ATG4C: variants seen among roughly 807,000 people sequenced by gnomAD.
The protein encoded by ATG4C is cysteine protease ATG4C.
A neutral mutation model predicts 57.6 loss-of-function variants in ATG4C; 56 were observed. The observed-to-expected ratio is 0.97, with a 90% CI of 0.78 to 1.21. ATG4C has a LOEUF of 1.21. Ranked by LOEUF, ATG4C falls within the 50% of genes most tolerant of loss-of-function variation. The pLI is 0.00. For synonymous variants in ATG4C, 157 were observed against 174.1 expected, an observed-to-expected ratio of 0.90 and a Z score of 0.78; for missense variants, 595 against 529.8, an observed-to-expected ratio of 1.12 and a Z score of -1.21.
rs1371298027 is a variant in ATG4C at position 62,809,430 on chromosome 1, T to G, written c.160+4175T>G. On this transcript the variant is annotated intron_variant, in intron 3 of 10. Coordinates refer to ENST00000317868, the MANE Select transcript of ATG4C (RefSeq NM_032852.4). ...ATATGTGTATATAAACACACATATA[T>G]TTAAAAATACATATGTATATGTACA... is the stretch of plus-strand genomic sequence containing the variant. Among the ~76,000 whole-genome samples the G allele has an allele frequency of 6.8e-5, 10 of 147,766 alleles. No homozygotes were observed. In the East Asian group the frequency reaches 2.0e-3, roughly 29 times the overall value.
chr1:62,846,248 C>A (rs1666323482), intron 10 of ATG4C, among the ~76,000 whole-genome samples: 1 of 152,136 alleles, frequency 6.6e-6, no homozygotes, highest in African/African-American at 2.4e-5. Flanking sequence ...ATCCACTTCA[C>A]CCTCCTACAC....
intron 3 of ATG4C, among the ~76,000 whole-genome samples, chr1:62,806,399 G>A (rs770747525): frequency 6.6e-6 from 1 of 151,882 alleles, no homozygotes; most frequent in South Asian, 2.1e-4. Context: ...ACAGCAATAC[G>A]TATGGTTGAG....
chr1:62,858,213 TAA>T (rs1042487161), intron 10 of ATG4C, among the ~76,000 whole-genome samples: 4 of 152,252 alleles, frequency 2.6e-5, no homozygotes, highest in Non-Finnish European at 5.9e-5. Flanking sequence ...AAATCATTCC[TAA>T]TTAATGTAAA....
chr1:62,814,726 G>A (rs1380107634), intron 3 of ATG4C, among the ~76,000 whole-genome samples: 1 of 151,998 alleles, frequency 6.6e-6, no homozygotes, highest in Non-Finnish European at 1.5e-5. Context: ...TACTAGCTGA[G>A]TCTTGCTTTT....
intron 3 of ATG4C, among the ~76,000 whole-genome samples, chr1:62,806,870 A>G (rs1423289042): frequency 6.6e-6 from 1 of 152,196 alleles, no homozygotes; most frequent in Non-Finnish European, 1.5e-5. Context: ...AGCACATAGG[A>G]CCATGAAACC....
chr1:62,826,760 A>G (rs1269706432), intron 6 of ATG4C, among the ~76,000 whole-genome samples: 11 of 86,334 alleles, frequency 1.3e-4, no homozygotes, highest in Admixed American at 3.2e-4. Flanking sequence ...ACCCCACAAC[A>G]GGCCCTGGTG....
At chr1:62,819,384 T>G in intron 5 of ATG4C, 49 bp downstream of exon 5, 1 of 1,435,026 alleles carries the variant, frequency 7.0e-7, no homozygotes, top group Non-Finnish European at 9.4e-7. Context: ...TCCTCAGGAT[T>G]AAGAGATACT....
At chr1:62,826,917 G>T (rs1210831118) in intron 6 of ATG4C, among the ~76,000 whole-genome samples, 1 of 152,096 alleles carries the variant, frequency 6.6e-6, no homozygotes, top group Non-Finnish European at 1.5e-5. Flanking sequence ...AACTGCAGCG[G>T]CTTTGTAACT....
chr1:62,844,049 TACCAA>T (rs1159832005), intron 10 of ATG4C, among the ~76,000 whole-genome samples: 4 of 152,132 alleles, frequency 2.6e-5, no homozygotes, highest in South Asian at 4.1e-4. Context: ...GCTGAGGAAA[TACCAA>T]AAGGAAAAGT....
chr1:62,802,357 C>T (rs1247663683), intron 1 of ATG4C, among the ~76,000 whole-genome samples: 2 of 151,966 alleles, frequency 1.3e-5, no homozygotes, highest in Non-Finnish European at 2.9e-5. Flanking sequence ...GATCTGTAAC[C>T]TCTTGAGTGC....
chr1:62,819,484 A>G (rs1426018772), intron 5 of ATG4C, 149 bp downstream of exon 5: 1 of 622,824 alleles, frequency 1.6e-6, no homozygotes. Flanking sequence ...CCAGCAGGGA[A>G]AAAAGAAGAC....
rs1321086799 is a variant in ATG4C, at chr1:62,865,175, A to C, written c.*1016A>C. On this transcript the variant is annotated 3_prime_UTR_variant, in exon 11 of 11. Transcript: ENST00000317868. ...GATAAAATGCTTTTGTTTTGGTTTT[A>C]ATGTTGGGATTATTTTAATCCTTTC... 6.6e-6 allele frequency: 1 copy of C among 151,926 alleles called. No homozygotes were observed. Among genetic ancestry groups the C allele is most frequent in the Non-Finnish European group, 1.5e-5 (1 of 67,822 alleles). 9.4% of individuals were successfully genotyped at this position (151,926 alleles called of 1,614,324 possible). A position where few individuals can be genotyped will look rare whatever the true frequency, so the allele number is the denominator to read the frequency against.
intron 1 of ATG4C, among the ~76,000 whole-genome samples, chr1:62,793,147 A>G (rs1007693707): frequency 3.3e-5 from 5 of 151,610 alleles, no homozygotes; most frequent in Non-Finnish European, 5.9e-5. Context: ...CGGCCTCCCA[A>G]AGTGCTGGGA....
chr1:62,807,661 C>T (rs1490015798), intron 3 of ATG4C, among the ~76,000 whole-genome samples: 3 of 152,200 alleles, frequency 2.0e-5, no homozygotes, highest in Admixed American at 6.5e-5. Flanking sequence ...GACAACTTCA[C>T]GGGAGCAGAA....
chr1:62,786,086 A>G (rs1018058267), intron 1 of ATG4C, among the ~76,000 whole-genome samples: 1 of 152,238 alleles, frequency 6.6e-6, no homozygotes, highest in African/African-American at 2.4e-5. Flanking sequence ...CAACTAAGCT[A>G]TTGAGTATTA....
chr1:62,860,337 A>G (rs532083735), intron 10 of ATG4C, among the ~76,000 whole-genome samples: 1 of 152,364 alleles, frequency 6.6e-6, no homozygotes, highest in South Asian at 2.1e-4. Flanking sequence ...AAAAAATTGT[A>G]TAGTAAATAC....
At chr1:62,801,223 C>CA (rs950134225) in intron 1 of ATG4C, among the ~76,000 whole-genome samples, 51 of 151,678 alleles carry the variant, frequency 3.4e-4, no homozygotes, top group African/African-American at 8.7e-4. Context: ...GGGGTATAAA[C>CA]AAAAAAAACA....
intron 6 of ATG4C, among the ~76,000 whole-genome samples, chr1:62,821,984 A>C (rs936927074): frequency 2.6e-5 from 4 of 152,098 alleles, no homozygotes; most frequent in Non-Finnish European, 4.4e-5. Context: ...GTGCTCAAAA[A>C]GTTTTAGATT....
At chr1:62,818,249 C>T (rs2366820) in intron 4 of ATG4C, among the ~76,000 whole-genome samples, 58,028 of 151,896 alleles carry the variant, frequency 0.38, 11,880 homozygotes, top group East Asian at 0.67. Flanking sequence ...TCTGAAGAAA[C>T]GTACAGGAAA....
Sources: gnomAD v4.1 joint callset for allele counts (sites outside exome capture counted in the v4.1 genomes callset) on GRCh38, gnomAD v4.1.1 for gene constraint, MANE v1.5 for transcripts, NCBI Gene and HGNC (gene_info 2026-07-23, HGNC 2026-07-21) for gene names.